Variants in M6PR observed in about 807,000 individuals in gnomAD.
M6PR encodes cation-dependent mannose-6-phosphate receptor.
M6PR carries 19 observed loss-of-function variants against 33.1 expected under a neutral mutation model. The ratio of observed to expected loss-of-function variants is 0.57; its 90% CI spans 0.40 to 0.84. The LOEUF is 0.84. Ranked by LOEUF, M6PR falls within the 40% of genes least tolerant of loss-of-function variation. The probability of loss-of-function intolerance (pLI) is 0.00; values close to 1 mark genes in which losing one functional copy is unlikely to be tolerated. For missense variants in M6PR, 295 were observed against 336.0 expected (o/e 0.88, Z 0.95); for synonymous variants, 111 against 123.4 (o/e 0.90, Z 0.67).
At chr12:8,946,799 T>C (rs1429742026) in intron 1 of M6PR, 1 of 159,242 alleles carries the variant, frequency 6.3e-6, no homozygotes, top group Non-Finnish European at 1.4e-5. Flanking sequence ...TTTCTAGACT[T>C]CCCATAAGTA....
chr12:8,943,991 G>GCAATGAATTA, intron 3 of M6PR, 81 bp from the exon 4 acceptor site: 7 of 895,842 alleles, frequency 7.8e-6, no homozygotes, highest in Non-Finnish European at 1.1e-5. Flanking sequence ...GAGTGGAATT[G>GCAATGAATTA]CGTAATTCAT....
chr12:8,946,368 G>C lies in M6PR; in HGVS notation c.37C>G (p.Leu13Val), dbSNP rs781538590. 1 of 1,613,954 alleles carries C rather than the reference G, an allele frequency of 6.2e-7. No individual in the cohort carries two copies. Among genetic ancestry groups the C allele is most frequent in the Non-Finnish European group, 8.5e-7 (1 of 1,179,968 alleles). The change falls in exon 2 of 7, where the codon CTA becomes GTA. Residue 13 changes from leucine (L) to valine (V), a missense_variant. Physicochemically the swap from Leu to Val is conservative, Grantham distance 32. Coordinates refer to ENST00000000412, the MANE Select transcript of M6PR (RefSeq NM_002355.4). ...PFYSCWRTGL[L>V]LLLLAVAVRE... ...ACTGCCACAGCCAGGAGTAGTAGTA[G>C]CAGTCCAGTCCTCCAGCAGCTGTAG...
At chr12:8,946,614 T>C (rs1039765104) in intron 1 of M6PR, 1 of 492,684 alleles carries the variant, frequency 2.0e-6, no homozygotes, top group Non-Finnish European at 3.6e-6. Context: ...ACTTGTAGTC[T>C]AATGTATAGG....
Position 8,940,445 on chromosome 12 carries a change from G to A in M6PR, c.*1373C>T, listed in dbSNP as rs948710072. 7 of 171,870 alleles carry A rather than the reference G, an allele frequency of 4.1e-5. No homozygotes were observed. Among genetic ancestry groups the A allele is most frequent in the African/African-American group, 1.7e-4 (7 of 41,152 alleles). 10.6% of individuals were successfully genotyped at this position (171,870 alleles called of 1,614,324 possible). A position where few individuals can be genotyped will look rare whatever the true frequency, so the allele number is the denominator to read the frequency against. ...TCTTCATTTTAAAACACCAGGGTGT[G>A]GGGGAGGGATGCAAACAAATAACAA... On this transcript the variant is annotated 3_prime_UTR_variant, in exon 7 of 7. Coordinates refer to ENST00000000412, the MANE Select transcript of M6PR (RefSeq NM_002355.4).
rs1946032030 is a variant in M6PR, at chr12:8,942,558, G to T, written c.585-16C>A. ...TGATGCAAACCTGTAGAGAGAGAAA[G>T]ACATCTATACTTAAGAACTGGGAAA... On this transcript the variant is annotated splice_polypyrimidine_tract_variant and intron_variant, in intron 5 of 6. Coordinates refer to ENST00000000412, the MANE Select transcript of M6PR (RefSeq NM_002355.4). 6.2e-7 allele frequency: 1 copy of T among 1,613,528 alleles called. No homozygotes were observed. Among genetic ancestry groups the T allele is most frequent in the Non-Finnish European group, 8.5e-7 (1 of 1,179,600 alleles).
intron 3 of M6PR, 140 bp from the exon 4 acceptor site, chr12:8,944,050 C>T (rs1422001143): frequency 1.6e-6 from 1 of 644,002 alleles, no homozygotes; most frequent in East Asian, 2.7e-5. Flanking sequence ...ACTTGGTATA[C>T]CAGAAATGCC....
In M6PR at chr12:8,941,387, C is replaced by T. The variant is rs1946003573; in HGVS notation, c.*431G>A. 1.1e-5 allele frequency: 2 copies of T among 183,266 alleles called. No homozygotes were observed. The highest frequency in any genetic ancestry group is 4.8e-5 in the African/African-American group (2 of 41,836). 11.4% of individuals were successfully genotyped at this position (183,266 alleles called of 1,614,324 possible). ...GAGGCTACTATAGGGTACAGAATAACAACATGAAAGCAATCAACCCTGTAT... is the reference window on the plus strand; with the variant it reads ...GAGGCTACTATAGGGTACAGAATAATAACATGAAAGCAATCAACCCTGTAT... On this transcript the variant is annotated 3_prime_UTR_variant, in exon 7 of 7. Transcript: ENST00000000412.
chr12:8,948,497 C>T (rs1171507768), intron 1 of M6PR, among the ~76,000 whole-genome samples: 2 of 152,120 alleles, frequency 1.3e-5, no homozygotes, highest in Non-Finnish European at 2.9e-5. Flanking sequence ...AACTTATAAA[C>T]ATAGGGGTGC....
chr12:8,945,022 A>G (rs1946074164), intron 3 of M6PR, among the ~76,000 whole-genome samples: 1 of 152,082 alleles, frequency 6.6e-6, no homozygotes, highest in South Asian at 2.1e-4. Context: ...GCTGGGCATG[A>G]TGGCACACAC....
intron 3 of M6PR, 22 bp downstream of exon 3, chr12:8,945,396 G>A (rs1049072790): frequency 1.4e-5 from 22 of 1,612,994 alleles, no homozygotes; most frequent in Non-Finnish European, 1.8e-5. Context: ...TCAATCGATG[G>A]TAGGAAGGGG....
chr12:8,941,843 C>G lies in M6PR; in HGVS notation c.809G>C (p.Arg270Thr). Residue 270 changes from arginine to threonine, a missense_variant, in exon 7 of 7, where the codon AGG becomes ACG. Physicochemically the swap from Arg to Thr is moderately conservative, Grantham distance 71 (BLOSUM62 -1). Transcript: ENST00000000412. Reference sequence around the variant, plus strand: ...CTACATTGGTAATAAATGGTCATCCCTTTCTTCTGACTCCTCCCCCAGCTG... The same window carrying G: ...CTACATTGGTAATAAATGGTCATCCGTTTCTTCTGACTCCTCCCCCAGCTG... ...DDQLGEESEE[R>T]DDHLLPM 6.2e-7 allele frequency: 1 copy of G among 1,614,118 alleles called. No homozygotes were observed. The highest frequency in any genetic ancestry group is 8.5e-7 in the Non-Finnish European group (1 of 1,180,008).
chr12:8,946,312 A>G lies in M6PR; in HGVS notation c.93T>C (p.Thr31=), dbSNP rs766131528. The G allele has an allele frequency of 2.2e-5, 35 of 1,614,018 alleles. No homozygotes were observed. The highest frequency in any genetic ancestry group is 3.0e-5 in the Non-Finnish European group (35 of 1,180,024). ...VRESWQTEEK[T]CDLVGEKGKE... ...TACCCTTTTCTCCTACCAAGTCGCA[A>G]GTTTTTTCTTCTGTCTGCCAGGATT... The change falls in exon 2 of 7, where the codon ACT becomes ACC. Residue 31 remains threonine, a synonymous_variant. Coordinates refer to ENST00000000412, the MANE Select transcript of M6PR (RefSeq NM_002355.4).
chr12:8,948,828 C>G (rs1233932560), intron 1 of M6PR, among the ~76,000 whole-genome samples: 1 of 152,254 alleles, frequency 6.6e-6, no homozygotes, highest in African/African-American at 2.4e-5. Flanking sequence ...TTTCTACTGT[C>G]TTCCCGCTGG....
chr12:8,942,112 A>C (rs923620922), intron 6 of M6PR, 172 bp from the exon 7 acceptor site: 26 of 802,304 alleles, frequency 3.2e-5, no homozygotes, highest in Non-Finnish European at 4.6e-5. Context: ...CAGGAGAAAA[A>C]GTTTCTTCTT....
rs1225258548 is a variant in M6PR, at chr12:8,946,291, C to T, written c.114G>A (p.Lys38=). The change falls in exon 2 of 7, where the codon AAG becomes AAA. Residue 38 remains lysine, a synonymous_variant. Transcript: ENST00000000412. ...EEKTCDLVGE[K]GKESEKELAL... is the part of the protein sequence containing the mutation. ...CCAACTCTTTCTCTGACTCTTTACC[C>T]TTTTCTCCTACCAAGTCGCAAGTTT... 4 of 1,614,030 alleles carry T rather than the reference C, an allele frequency of 2.5e-6. No individual in the cohort carries two copies. Among genetic ancestry groups the T allele is most frequent in the Non-Finnish European group, 3.4e-6 (4 of 1,180,032 alleles).
At chr12:8,945,795 T>G (rs1946085921) in intron 2 of M6PR, among the ~76,000 whole-genome samples, 1 of 152,228 alleles carries the variant, frequency 6.6e-6, no homozygotes, top group African/African-American at 2.4e-5. Flanking sequence ...TAAAACACAC[T>G]TGAGCTATCT....
chr12:8,945,334 A>G lies in M6PR; in HGVS notation c.343+84T>C, dbSNP rs1592223533. The G allele has an allele frequency of 3.4e-6, 5 of 1,461,032 alleles. No individual in the cohort carries two copies. In the Admixed American group the frequency reaches 8.7e-5, roughly 25 times the overall value. 90.5% of individuals were successfully genotyped at this position (1,461,032 alleles called of 1,614,324 possible). On this transcript the variant is annotated intron_variant, in intron 3 of 6. Transcript: ENST00000000412. ...ACGTATGATATGCTGAAGACACTAGAAACGGCCAAGACATACAGGATTGTC... is the reference window on the plus strand; with the variant it reads ...ACGTATGATATGCTGAAGACACTAGGAACGGCCAAGACATACAGGATTGTC...
intron 5 of M6PR, 62 bp downstream of exon 5, chr12:8,943,343 A>G (rs1260372739): frequency 1.3e-6 from 2 of 1,592,532 alleles, no homozygotes; most frequent in African/African-American, 2.7e-5. Flanking sequence ...ACCACCATAT[A>G]GTTACTGACC....
At position 8,942,554 on chromosome 12, in the gene M6PR, GAAA is replaced by G. The variant is rs1449378061; in HGVS notation, c.585-15_585-13del. 3 of 1,613,326 alleles carry G rather than the reference GAAA, an allele frequency of 1.9e-6. No homozygotes were observed. Among genetic ancestry groups the G allele is most frequent in the Non-Finnish European group, 2.5e-6 (3 of 1,179,580 alleles). The stretch of plus-strand genomic sequence containing the variant: ...CCAGTGATGCAAACCTGTAGAGAGA[GAAA>G]GACATCTATACTTAAGAACTGGGAA... On this transcript the variant is annotated splice_polypyrimidine_tract_variant and intron_variant, in intron 5 of 6. Transcript: ENST00000000412.
Sources: gnomAD v4.1 joint callset for allele counts (sites outside exome capture counted in the v4.1 genomes callset) on GRCh38, gnomAD v4.1.1 for gene constraint, MANE v1.5 for transcripts, NCBI Gene and HGNC (gene_info 2026-07-23, HGNC 2026-07-21) for gene names.